The following THTPA variants were observed in gnomAD, a reference collection of about 807,000 sequenced individuals.
THTPA encodes thiamine-triphosphatase.
A neutral mutation model predicts 16.5 loss-of-function variants in THTPA; 16 were observed. The ratio of observed to expected loss-of-function variants is 0.97; its 90% CI spans 0.66 to 1.47. THTPA has a LOEUF of 1.47. Among genes scored for constraint, THTPA ranks in the 40% most tolerant of loss-of-function variants. The pLI, the probability that THTPA is intolerant of heterozygous loss-of-function variation, is 0.00. For missense variants in THTPA, 281 were observed against 280.9 expected, an observed-to-expected ratio of 1.00 and a Z score of 0.00; for synonymous variants, 110 against 115.5, an observed-to-expected ratio of 0.95 and a Z score of 0.30.
the THTPA span, among the ~76,000 whole-genome samples, chr14:23,537,776 TG>T: frequency 6.6e-6 from 1 of 152,064 alleles, no homozygotes; most frequent in Admixed American, 6.5e-5. Context: ...GAATCCATGG[TG>T]GGGGAGAGGG....
chr14:23,524,785 T>C, the THTPA span: 1 of 1,536,666 alleles, frequency 6.5e-7, no homozygotes, highest in Non-Finnish European at 8.7e-7. This position sits in a 1 kb window ranked among gnomAD's most constrained non-coding sequence, Gnocchi z 5.6. Flanking sequence ...GTTCCTCCTC[T>C]ACTTCTTCTT....
chr14:23,550,432 C>T, the THTPA span, among the ~76,000 whole-genome samples: 8 of 152,190 alleles, frequency 5.3e-5, no homozygotes, highest in African/African-American at 1.7e-4. Flanking sequence ...AACAGGCAGC[C>T]AAGGCGTGAC....
chr14:23,531,759 G>A, the THTPA span: 1 of 1,298,020 alleles, frequency 7.7e-7, no homozygotes, highest in East Asian at 3.0e-5. Context: ...GGCCCAGAAG[G>A]GACATGCCAG....
chr14:23,517,584 T>C, the THTPA span, among the ~76,000 whole-genome samples: 13 of 152,250 alleles, frequency 8.5e-5, no homozygotes, highest in Non-Finnish European at 1.5e-4. Context: ...ACCCTGTTTT[T>C]CATGGTGACA....
the THTPA span, among the ~76,000 whole-genome samples, chr14:23,535,543 T>C: frequency 1.6e-4 from 24 of 152,206 alleles, no homozygotes; most frequent in Non-Finnish European, 3.1e-4. The surrounding 1 kb of genome is among the most constrained non-coding windows in gnomAD (Gnocchi z 4.5). Context: ...AAACTTAATA[T>C]GTCCAACATC....
chr14:23,525,941 C>A, the THTPA span: 1 of 1,464,394 alleles, frequency 6.8e-7, no homozygotes, highest in Non-Finnish European at 9.0e-7. The surrounding 1 kb of genome is among the most constrained non-coding windows in gnomAD (Gnocchi z 5.9). Flanking sequence ...GGCTGGGAAT[C>A]GGTGCAGGTC....
chr14:23,551,525 TAAATA>T (rs1430679007), upstream of THTPA: 2 of 151,970 alleles, frequency 1.3e-5, no homozygotes, highest in Non-Finnish European at 2.9e-5. This position sits in a 1 kb window ranked among gnomAD's most constrained non-coding sequence, Gnocchi z 5.3. Flanking sequence ...AAAAAATAAA[TAAATA>T]AATTCACGGC....
At chr14:23,532,682 G>T in the THTPA span, 1 of 1,523,734 alleles carries the variant, frequency 6.6e-7, no homozygotes. Flanking sequence ...TGGGGAGACA[G>T]ACCCATAAGG....
At chr14:23,526,158 T>C in the THTPA span, 8 of 1,536,268 alleles carry the variant, frequency 5.2e-6, no homozygotes, top group Non-Finnish European at 7.0e-6. Flanking sequence ...ATCTCCAGGG[T>C]GGAGCTCTGG....
the THTPA span, chr14:23,530,254 T>C: frequency 7.7e-7 from 1 of 1,290,704 alleles, no homozygotes; most frequent in Non-Finnish European, 1.1e-6. Context: ...AGGGAGGACA[T>C]AGGACAGAGG....
chr14:23,549,563 T>C, the THTPA span, among the ~76,000 whole-genome samples: 215 of 151,832 alleles, frequency 1.4e-3, no homozygotes, highest in Non-Finnish European at 2.3e-3. Flanking sequence ...TGGTGCTGGA[T>C]CTAAATATGA....
chr14:23,529,560 G>T, the THTPA span: 1,228 of 793,018 alleles, frequency 1.5e-3, 22 homozygotes, highest in Admixed American at 0.023. Context: ...CTGAACATGT[G>T]GAACTGGATC....
At chr14:23,531,485 A>G in the THTPA span, 1 of 1,399,850 alleles carries the variant, frequency 7.1e-7, no homozygotes, top group East Asian at 2.7e-5. Flanking sequence ...CCTCACCGGG[A>G]GTCCGGAGCT....
chr14:23,553,604 C>CAAA (rs1201437501), upstream of THTPA, among the ~76,000 whole-genome samples: 1 of 126,020 alleles, frequency 7.9e-6, no homozygotes, highest in East Asian at 2.5e-4. Context: ...CGTCTCAAAA[C>CAAA]CAAAAACAGG....
chr14:23,549,957 G>A, the THTPA span, among the ~76,000 whole-genome samples: 1 of 152,120 alleles, frequency 6.6e-6, no homozygotes, highest in African/African-American at 2.4e-5. Context: ...GCAGATTATG[G>A]GAACAAAGGT....
the THTPA span, chr14:23,522,384 C>T: frequency 8.5e-6 from 13 of 1,536,194 alleles, no homozygotes; most frequent in Admixed American, 2.6e-4. Context: ...AGCAGCTCAT[C>T]AACCTCACCA....
chr14:23,522,288 G>A, the THTPA span: 12 of 1,505,064 alleles, frequency 8.0e-6, no homozygotes, highest in Non-Finnish European at 1.1e-5. Context: ...GCAGTAGCCG[G>A]GGCCTCCCCG....
chr14:23,533,958 G>T, the THTPA span: 24 of 1,537,770 alleles, frequency 1.6e-5, no homozygotes, highest in Non-Finnish European at 1.9e-5. This position sits in a 1 kb window ranked among gnomAD's most constrained non-coding sequence, Gnocchi z 4.8. Context: ...AGTTGCACTT[G>T]GGACACTTGA....
chr14:23,534,025 C>T, the THTPA span: 1 of 1,536,344 alleles, frequency 6.5e-7, no homozygotes, highest in Non-Finnish European at 8.7e-7. This position sits in a 1 kb window ranked among gnomAD's most constrained non-coding sequence, Gnocchi z 4.5. Flanking sequence ...CAGGCTGAGG[C>T]CCTGGAAGGC....
Sources: gnomAD v4.1 joint callset for allele counts (sites outside exome capture counted in the v4.1 genomes callset) on GRCh38, gnomAD v4.1.1 for gene constraint, Gnocchi (gnomAD v3.1) non-coding constraint, MANE v1.5 for transcripts, NCBI Gene and HGNC (gene_info 2026-07-23, HGNC 2026-07-21) for gene names.